Variants in ATP1A3 observed in about 807,000 individuals in gnomAD.
ATP1A3 encodes the protein sodium/potassium-transporting ATPase subunit alpha-3.
In ATP1A3, 12 loss-of-function variants were observed where a neutral mutation model predicts 108.8. The observed-to-expected ratio is 0.11, with a 90% CI of 0.07 to 0.18. The LOEUF is 0.18. Among genes scored for constraint, ATP1A3 ranks in the 10% least tolerant of loss-of-function variants. The pLI is 1.00. For synonymous variants in ATP1A3, 539 were observed against 564.5 expected (o/e 0.95, Z 0.64); for missense variants, 498 against 1,387.7 (o/e 0.36, Z 10.19).
chr19:41,969,820 G>C (rs1199813623), intron 18 of ATP1A3, among the ~76,000 whole-genome samples: 1 of 152,230 alleles, frequency 6.6e-6, no homozygotes, highest in Non-Finnish European at 1.5e-5. Context: ...GGATAACCTG[G>C]AGCCCCTCTC....
At position 41,966,928 on chromosome 19, in the gene ATP1A3, G is replaced by T. The variant is rs1555858719; in HGVS notation, c.*9C>A. On this transcript the variant is annotated 3_prime_UTR_variant, in exon 23 of 23. Coordinates refer to ENST00000648268, the MANE Select transcript of ATP1A3 (RefSeq NM_152296.5). ...CGGGGAAGAGATGGGCGATGTGGTG[G>T]GGCTGAGGTCAGTAGTAGGTTTCCT... 1.3e-6 allele frequency: 2 copies of T among 1,551,490 alleles called. No homozygotes were observed. The highest frequency in any genetic ancestry group is 1.7e-6 in the Non-Finnish European group (2 of 1,147,002).
In ATP1A3 at chr19:41,985,201, G is replaced by A; in HGVS notation, c.725-15C>T. 6.2e-7 allele frequency: 1 copy of A among 1,613,868 alleles called. No homozygotes were observed. The highest frequency in any genetic ancestry group is 1.3e-5 in the African/African-American group (1 of 75,050). ...CCGAGCCGTGCCTGCAGGCCAGAGG[G>A]GTTAGGCTGAGGTGGGGTGGCTCAG... On this transcript the variant is annotated splice_polypyrimidine_tract_variant and intron_variant, in intron 7 of 22. Transcript: ENST00000648268. This position sits in a 1 kb window ranked among gnomAD's most constrained non-coding sequence, Gnocchi z 8.2.
intron 8 of ATP1A3, among the ~76,000 whole-genome samples, chr19:41,982,625 C>CAA (rs782309983): frequency 2.4e-5 from 3 of 127,316 alleles, no homozygotes; most frequent in African/African-American, 2.9e-5. Context: ...GACTCCAACT[C>CAA]AAAAAAAAAA....
At position 41,968,055 on chromosome 19, in the gene ATP1A3, GACAGACACAGAGACAGGGACAGAA is replaced by G. The variant is rs1555859036; in HGVS notation, c.2820-316_2820-293del. Among the ~76,000 whole-genome samples, 2 of 151,384 alleles carry G rather than the reference GACAGACACAGAGACAGGGACAGAA, an allele frequency of 1.3e-5. No homozygotes were observed. The highest frequency in any genetic ancestry group is 2.4e-5 in the African/African-American group (1 of 41,188). ...GGACAGACAGAGAGACAGACACAGG[GACAGACACAGAGACAGGGACAGAA>G]ACAGACACAGAGACAGGGACAGACA... On this transcript the variant is annotated intron_variant, in intron 20 of 22. Coordinates refer to ENST00000648268, the MANE Select transcript of ATP1A3 (RefSeq NM_152296.5). This position sits in a 1 kb window ranked among gnomAD's most constrained non-coding sequence, Gnocchi z 5.0.
intron 16 of ATP1A3, 34 bp from the exon 17 acceptor site, chr19:41,970,576 T>C: frequency 6.2e-7 from 1 of 1,608,108 alleles, no homozygotes; most frequent in South Asian, 1.1e-5. Flanking sequence ...CAGGCGCCCA[T>C]GCCAGGGAGC....
intron 1 of ATP1A3, chr19:41,993,433 C>G (rs2075358666): frequency 6.5e-7 from 1 of 1,535,416 alleles, no homozygotes; most frequent in Non-Finnish European, 8.7e-7. Context: ...GCCTCCCATG[C>G]CTGCTCCCCT....
chr19:41,988,181 C>T lies in ATP1A3; in HGVS notation c.154-42G>A. On this transcript the variant is annotated intron_variant, in intron 3 of 22. Coordinates refer to ENST00000648268, the MANE Select transcript of ATP1A3 (RefSeq NM_152296.5). This position sits in a 1 kb window ranked among gnomAD's most constrained non-coding sequence, Gnocchi z 5.3. The stretch of plus-strand genomic sequence containing the variant: ...TCACACAGAACCCTCCCTGGGCAAC[C>T]CTGGCACCCCAGGCCTTCACCAGAC... 2 of 1,613,726 alleles carry T rather than the reference C, an allele frequency of 1.2e-6. No individual in the cohort carries two copies. The highest frequency in any genetic ancestry group is 1.7e-6 in the Non-Finnish European group (2 of 1,179,702).
chr19:41,970,931 C>A (rs1040143818), intron 16 of ATP1A3, among the ~76,000 whole-genome samples: 1 of 151,698 alleles, frequency 6.6e-6, no homozygotes, highest in Admixed American at 6.6e-5. Flanking sequence ...CGCGCCCGGC[C>A]TGTCCAGCGT....
Position 41,969,534 on chromosome 19 carries a change from C to T in ATP1A3, c.2589G>A (p.Leu863=). 6.2e-7 allele frequency: 1 copy of T among 1,614,124 alleles called. No individual in the cohort carries two copies. Among genetic ancestry groups the T allele is most frequent in the Non-Finnish European group, 8.5e-7 (1 of 1,180,008 alleles). The change falls in exon 19 of 23, where the codon CTG becomes CTA. Residue 863 remains leucine, a synonymous_variant. Transcript: ENST00000648268. ...TGCCGGGCAAGAAGCCATTTTCTGC[C>T]AGGATCACAAAGTAAGAGAAGAAGC... ...LGGFFSYFVI[L]AENGFLPGNL... is the part of the protein sequence containing the mutation.
At chr19:41,970,686 C>T (rs1444370739) in intron 16 of ATP1A3, 144 bp from the exon 17 acceptor site, 171 of 1,009,234 alleles carry the variant, frequency 1.7e-4, no homozygotes, top group Non-Finnish European at 2.3e-4. Context: ...GGCTGGAGTG[C>T]AGTGGTGCGA....
intron 1 of ATP1A3, among the ~76,000 whole-genome samples, chr19:41,991,428 G>T (rs1555867320): frequency 6.6e-6 from 1 of 152,216 alleles, no homozygotes; most frequent in Non-Finnish European, 1.5e-5. Context: ...GAGGCACAGA[G>T]GCTTGGGGGA....
Position 41,978,822 on chromosome 19 carries a change from G to A in ATP1A3, c.1438-24C>T, listed in dbSNP as rs782582562. The A allele has an allele frequency of 1.3e-5, 21 of 1,612,358 alleles. 1 individual carries two copies. Among genetic ancestry groups the A allele is most frequent in the African/African-American group, 8.0e-5 (6 of 74,862 alleles). On this transcript the variant is annotated intron_variant, in intron 11 of 22. Coordinates refer to ENST00000648268, the MANE Select transcript of ATP1A3 (RefSeq NM_152296.5). This position sits in a 1 kb window ranked among gnomAD's most constrained non-coding sequence, Gnocchi z 8.3. ...AGCTGGGGACCGATCAGAGGGTGGCGTGCCTGAGCCACGCAGACACCAGGA... is the reference window on the plus strand; with the variant it reads ...AGCTGGGGACCGATCAGAGGGTGGCATGCCTGAGCCACGCAGACACCAGGA...
At chr19:41,972,549 G>C in intron 16 of ATP1A3, among the ~76,000 whole-genome samples, 1 of 151,932 alleles carries the variant, frequency 6.6e-6, no homozygotes, top group East Asian at 1.9e-4. Context: ...GGTGGATCAC[G>C]AGGTCAGGAG....
intron 15 of ATP1A3, 38 bp downstream of exon 15, chr19:41,976,374 GAGTC>G (rs782524187): frequency 1.2e-6 from 2 of 1,612,800 alleles, no homozygotes; most frequent in Non-Finnish European, 1.7e-6. Context: ...GAGGACCCAG[GAGTC>G]AAGGCCCCGT....
intron 4 of ATP1A3, 35 bp downstream of exon 4, chr19:41,987,901 C>T (rs1179518629): frequency 1.2e-6 from 2 of 1,609,332 alleles, no homozygotes; most frequent in African/African-American, 1.3e-5. Context: ...AATAAATGTG[C>T]AGAGCCTTGC....
chr19:41,972,718 T>C (rs1183574799), intron 16 of ATP1A3, among the ~76,000 whole-genome samples: 1 of 139,010 alleles, frequency 7.2e-6, no homozygotes, highest in Non-Finnish European at 1.5e-5. Flanking sequence ...TGAGCCAACA[T>C]CACGCCACTG....
At chr19:41,977,151 G>A (rs1555861620) in intron 14 of ATP1A3, among the ~76,000 whole-genome samples, 1 of 151,814 alleles carries the variant, frequency 6.6e-6, no homozygotes, top group East Asian at 2.0e-4. Flanking sequence ...TGGACAAGCT[G>A]AAGGAAGGCA....
chr19:41,973,983 C>A (rs2145956411), intron 16 of ATP1A3, among the ~76,000 whole-genome samples: 1 of 152,304 alleles, frequency 6.6e-6, no homozygotes, highest in African/African-American at 2.4e-5. Context: ...GCAATCCCAG[C>A]ACTTTGGGAG....
At chr19:41,986,739 A>ATTTT (rs11287033) in intron 4 of ATP1A3, 7 of 96,704 alleles carry the variant, frequency 7.2e-5, no homozygotes, top group African/African-American at 1.8e-4. Context: ...CTTTCCTGGC[A>ATTTT]TTTTTTTTTT....
Sources: allele counts gnomAD v4.1 joint callset (sites outside exome capture counted in the v4.1 genomes callset), GRCh38; gene constraint gnomAD v4.1.1; non-coding constraint Gnocchi (gnomAD v3.1); transcripts MANE v1.5; gene names NCBI Gene and HGNC (gene_info 2026-07-23, HGNC 2026-07-21).